SYN3: variants seen among roughly 807,000 people sequenced by gnomAD.
SYN3 encodes synapsin-3.
A neutral mutation model predicts 65.8 loss-of-function variants in SYN3; 35 were observed. That is an observed-to-expected ratio of 0.53 (90% CI 0.41 to 0.70). SYN3 has a LOEUF of 0.70. Ranked by LOEUF, SYN3 falls within the 30% of genes least tolerant of loss-of-function variation. The probability of loss-of-function intolerance (pLI) is 0.00; values close to 1 mark genes in which losing one functional copy is unlikely to be tolerated. For missense variants in SYN3, 680 were observed against 749.0 expected (o/e 0.91, Z 1.08); for synonymous variants, 270 against 292.9 (o/e 0.92, Z 0.80).
intron 6 of SYN3, chr22:32,859,627 A>G: frequency 3.6e-6 from 2 of 549,670 alleles, no homozygotes; most frequent in Non-Finnish European, 6.4e-6. Context: ...GCCATGCCAG[A>G]AAGAATGAGG....
intron 12 of SYN3, among the ~76,000 whole-genome samples, chr22:32,526,997 G>C (rs2057989300): frequency 1.3e-5 from 2 of 152,174 alleles, no homozygotes; most frequent in Admixed American, 1.3e-4. Flanking sequence ...AAGAATATCA[G>C]AGCAGCTGAT....
chr22:32,839,153 C>G (rs1404083300), intron 6 of SYN3, among the ~76,000 whole-genome samples: 1 of 151,940 alleles, frequency 6.6e-6, no homozygotes, highest in Non-Finnish European at 1.5e-5. Flanking sequence ...GGGCTGGAAG[C>G]TTCAGAGTGA....
At chr22:32,518,727 T>C (rs1489958207) in intron 12 of SYN3, among the ~76,000 whole-genome samples, 4 of 152,326 alleles carry the variant, frequency 2.6e-5, no homozygotes, top group Middle Eastern at 3.4e-3. Context: ...CCTCAGACTT[T>C]AATGTGCATA....
intron 6 of SYN3, among the ~76,000 whole-genome samples, chr22:32,605,925 T>C (rs1385572150): frequency 6.6e-6 from 1 of 152,218 alleles, no homozygotes; most frequent in Non-Finnish European, 1.5e-5. Context: ...GTGACTCAGT[T>C]TCCTCATGCC....
At chr22:33,032,247 C>T (rs1388078137) in intron 1 of SYN3, among the ~76,000 whole-genome samples, 1 of 150,510 alleles carries the variant, frequency 6.6e-6, no homozygotes, top group African/African-American at 2.4e-5. Context: ...GTGGCTCACA[C>T]CTGTAATCCC....
At chr22:32,964,794 C>G (rs538718734) in intron 3 of SYN3, among the ~76,000 whole-genome samples, 6 of 152,312 alleles carry the variant, frequency 3.9e-5, no homozygotes, top group African/African-American at 1.4e-4. Flanking sequence ...TCCACAAGTA[C>G]AACCCTTGAT....
rs186427228 is a variant in SYN3 at position 32,553,930 on chromosome 22, A to C, written c.775-12217T>G. ...GCTTTGAGCCACTTAAAAATCTTAC[A>C]TGGGGGAGCAGCAGCTGAAGGAGAG... is the stretch of plus-strand genomic sequence containing the variant. On this transcript the variant is annotated intron_variant, in intron 7 of 13. Transcript: ENST00000358763. Among the ~76,000 whole-genome samples the C allele has an allele frequency of 1.4e-4, 21 of 152,282 alleles. No homozygotes were observed. In the East Asian group the frequency reaches 2.1e-3, roughly 15 times the overall value.
At position 32,801,748 on chromosome 22, in the gene SYN3, C is replaced by T. The variant is rs953098129; in HGVS notation, c.711+63167G>A. ...GCGGCGGGCGCTCAGACGGCTTCTC[C>T]TCCTCCTCTTGCTCCTCCAGCTCCT... On this transcript the variant is annotated intron_variant, in intron 6 of 13. Transcript: ENST00000358763. The surrounding 1 kb of genome is among the most constrained non-coding windows in gnomAD (Gnocchi z 4.7). 4 of 242,152 alleles carry T rather than the reference C, an allele frequency of 1.7e-5. No individual in the cohort carries two copies. The highest frequency in any genetic ancestry group is 9.2e-5 in the African/African-American group (4 of 43,640). 15.0% of individuals were successfully genotyped at this position (242,152 alleles called of 1,614,324 possible).
chr22:32,853,000 G>A (rs1280262735), intron 6 of SYN3, among the ~76,000 whole-genome samples: 3 of 152,222 alleles, frequency 2.0e-5, no homozygotes, highest in Admixed American at 1.3e-4. Context: ...CTGGTCCTGG[G>A]AGGGTCCCAT....
At chr22:33,032,281 G>A (rs1165022185) in intron 1 of SYN3, among the ~76,000 whole-genome samples, 2 of 145,760 alleles carry the variant, frequency 1.4e-5, no homozygotes, top group African/African-American at 5.1e-5. Context: ...GCTGAAGCAG[G>A]TGGATCACAT....
intron 6 of SYN3, chr22:32,783,307 G>C (rs537693578): frequency 1.3e-4 from 20 of 152,332 alleles, no homozygotes; most frequent in Non-Finnish European, 2.8e-4. Context: ...CCACTGGGAC[G>C]GGTTGGAGTA....
At chr22:32,636,406 A>G (rs1287479745) in intron 6 of SYN3, among the ~76,000 whole-genome samples, 1 of 144,106 alleles carries the variant, frequency 6.9e-6, no homozygotes, top group East Asian at 1.9e-4. Flanking sequence ...CATCTCAAAA[A>G]AAAAAAAAAA....
chr22:32,754,060 T>C (rs1284013908), intron 6 of SYN3, among the ~76,000 whole-genome samples: 1 of 152,200 alleles, frequency 6.6e-6, no homozygotes, highest in Non-Finnish European at 1.5e-5. Flanking sequence ...ATGGTGGTGG[T>C]CCACACCTCT....
intron 4 of SYN3, among the ~76,000 whole-genome samples, chr22:32,876,277 T>C (rs1313304963): frequency 6.6e-6 from 1 of 152,134 alleles, no homozygotes; most frequent in African/African-American, 2.4e-5. Context: ...GGCTGATGAC[T>C]TCATGACTTA....
At chr22:32,660,854 C>T (rs1295998390) in intron 6 of SYN3, among the ~76,000 whole-genome samples, 3 of 137,022 alleles carry the variant, frequency 2.2e-5, no homozygotes, top group Non-Finnish European at 4.5e-5. Context: ...AGACTCTCAC[C>T]TAAGGACCAC....
chr22:33,030,429 T>C (rs1325707679), intron 1 of SYN3, among the ~76,000 whole-genome samples: 1 of 151,574 alleles, frequency 6.6e-6, no homozygotes, highest in Non-Finnish European at 1.5e-5. Flanking sequence ...GAGAGCCAGA[T>C]ACATAGAGAC....
Position 32,673,868 on chromosome 22 carries a change from G to C in SYN3, c.712-77132C>G, listed in dbSNP as rs560159788. Among the ~76,000 whole-genome samples the C allele has an allele frequency of 5.7e-3, 865 of 152,286 alleles. 10 individuals are homozygous for C. The highest frequency in any genetic ancestry group is 0.019 in the African/African-American group (799 of 41,544). On this transcript the variant is annotated intron_variant, in intron 6 of 13. Transcript: ENST00000358763. ...GCTCTGATGTGCAGGACAGTGCTGA[G>C]GAGTATAGGCTTTCTCCTGGGGGCA...
chr22:32,520,513 G>A (rs1276518647), intron 12 of SYN3, among the ~76,000 whole-genome samples: 9 of 152,136 alleles, frequency 5.9e-5, no homozygotes, highest in East Asian at 1.9e-4. Flanking sequence ...GGGACACGCC[G>A]AGATTCAAAC....
intron 7 of SYN3, among the ~76,000 whole-genome samples, chr22:32,587,171 G>A (rs529341586): frequency 1.4e-4 from 20 of 144,980 alleles, no homozygotes; most frequent in African/African-American, 2.5e-4. Context: ...GCAGTGAGCC[G>A]AGATCACACC....
Sources: allele counts gnomAD v4.1 joint callset (sites outside exome capture counted in the v4.1 genomes callset), GRCh38; gene constraint gnomAD v4.1.1; non-coding constraint Gnocchi (gnomAD v3.1); transcripts MANE v1.5; gene names NCBI Gene and HGNC (gene_info 2026-07-23, HGNC 2026-07-21).